The following CCDC83 variants were observed in gnomAD, a reference collection of about 807,000 sequenced individuals.
The protein encoded by CCDC83 is coiled-coil domain-containing protein 83.
Under a neutral mutation model 50.1 loss-of-function variants are expected in CCDC83, and 54 were observed. That is an observed-to-expected ratio of 1.08 (90% confidence interval 0.87 to 1.35). The LOEUF (loss-of-function observed/expected upper bound fraction) is 1.35, where lower values mean the gene tolerates loss of function less well. CCDC83 is among the 40% of genes most tolerant of loss of function. CCDC83 has a pLI of 0.00. For synonymous variants in CCDC83, 161 were observed against 153.3 expected (o/e 1.05, Z -0.37); for missense variants, 518 against 473.9 (o/e 1.09, Z -0.86).
intron 7 of CCDC83, among the ~76,000 whole-genome samples, chr11:85,905,550 C>T (rs2093421522): frequency 6.6e-6 from 1 of 150,760 alleles, no homozygotes; most frequent in African/African-American, 2.4e-5. Flanking sequence ...GTGGAGGTTG[C>T]AGTGAGCAGA....
At chr11:85,879,045 A>G (rs189178244) in intron 3 of CCDC83, among the ~76,000 whole-genome samples, 3 of 152,214 alleles carry the variant, frequency 2.0e-5, no homozygotes, top group Admixed American at 6.5e-5. Context: ...TTTCTTGGAT[A>G]TGTTATTTGC....
intron 3 of CCDC83, among the ~76,000 whole-genome samples, chr11:85,874,545 C>G (rs546976585): frequency 1.2e-4 from 18 of 152,362 alleles, no homozygotes; most frequent in African/African-American, 4.3e-4. Context: ...CAGATTCTAA[C>G]TACAACTCTG....
chr11:85,895,259 A>G, intron 5 of CCDC83, 34 bp from the exon 6 acceptor site: 1 of 839,716 alleles, frequency 1.2e-6, no homozygotes, highest in Non-Finnish European at 1.7e-6. Flanking sequence ...AAGGCTTTTA[A>G]TTTTCTTTTT....
At chr11:85,887,039 G>A (rs908986830) in intron 5 of CCDC83, among the ~76,000 whole-genome samples, 3 of 152,176 alleles carry the variant, frequency 2.0e-5, no homozygotes, top group African/African-American at 7.2e-5. Context: ...TTCACCTGGG[G>A]CAAGCTAAGT....
intron 10 of CCDC83, among the ~76,000 whole-genome samples, chr11:85,917,753 T>C (rs889903180): frequency 4.6e-5 from 7 of 152,194 alleles, no homozygotes; most frequent in African/African-American, 1.4e-4. Context: ...CAAGCGATGA[T>C]TTAAAGACTA....
At chr11:85,890,971 A>G (rs2093348144) in intron 5 of CCDC83, among the ~76,000 whole-genome samples, 1 of 151,962 alleles carries the variant, frequency 6.6e-6, no homozygotes, top group African/African-American at 2.4e-5. Flanking sequence ...AAGTTGCTTG[A>G]CTCCCCAAGA....
chr11:85,864,973 G>A, intron 1 of CCDC83, 123 bp from the exon 2 acceptor site: 1 of 611,768 alleles, frequency 1.6e-6, no homozygotes, highest in South Asian at 2.0e-5. Context: ...TTAGATCTGG[G>A]GACATGGAAG....
In CCDC83 at chr11:85,911,292, C is replaced by G. The variant is rs1316120258; in HGVS notation, c.684C>G (p.His228Gln). The G allele has an allele frequency of 1.2e-5, 20 of 1,607,274 alleles. No homozygotes were observed. Among genetic ancestry groups the G allele is most frequent in the African/African-American group, 4.0e-5 (3 of 74,516 alleles). Residue 228 changes from histidine (H) to glutamine (Q), a missense_variant, in exon 8 of 11, where the codon CAC becomes CAG. His to Gln is a conservative substitution (Grantham distance 24). Coordinates refer to ENST00000342404, the MANE Select transcript of CCDC83 (RefSeq NM_001286159.2). ...NDWLKKEVAI[H>Q]RKEVEELKNA... ...TCTTCTGAGAACAGGTTGCAATTCA[C>G]AGGAAGGAAGTTGAAGAATTAAAAA... is the stretch of plus-strand genomic sequence containing the variant.
At chr11:85,895,146 C>A (rs1297384813) in intron 5 of CCDC83, 147 bp from the exon 6 acceptor site, 1 of 285,376 alleles carries the variant, frequency 3.5e-6, no homozygotes, top group East Asian at 4.2e-5. Context: ...AGAATGCTAC[C>A]CGAACAGATA....
chr11:85,882,741 T>C, intron 4 of CCDC83, 66 bp downstream of exon 4: 1 of 1,410,268 alleles, frequency 7.1e-7, no homozygotes, highest in Non-Finnish European at 9.9e-7. Flanking sequence ...ATATTAATGC[T>C]TTATTCTTCC....
intron 2 of CCDC83, among the ~76,000 whole-genome samples, chr11:85,872,245 G>A (rs957478046): frequency 2.0e-5 from 3 of 152,158 alleles, no homozygotes; most frequent in African/African-American, 7.2e-5. Context: ...AGCACTTTGA[G>A]AGCCCGAAGC....
At chr11:85,883,564 G>T (rs565236852) in intron 4 of CCDC83, among the ~76,000 whole-genome samples, 1 of 152,126 alleles carries the variant, frequency 6.6e-6, no homozygotes, top group South Asian at 2.1e-4. Context: ...GGTACTGAGG[G>T]TAAATCATGC....
At chr11:85,859,340 C>A (rs903559960) in intron 1 of CCDC83, among the ~76,000 whole-genome samples, 1 of 151,892 alleles carries the variant, frequency 6.6e-6, no homozygotes, top group Non-Finnish European at 1.5e-5. Context: ...CATATGGAAC[C>A]AAAACAGAGC....
chr11:85,861,974 C>T (rs903552318), intron 1 of CCDC83, among the ~76,000 whole-genome samples: 30 of 133,602 alleles, frequency 2.2e-4, no homozygotes, highest in Non-Finnish European at 3.7e-4. Flanking sequence ...TTAGCTTGGG[C>T]GACGGAGCCA....
chr11:85,862,509 G>A lies in CCDC83; in HGVS notation c.-28-2587G>A, dbSNP rs534733676. Reference sequence around the variant, plus strand: ...TGCTTCTGTCTTCCTATCTGTCTGAGAAGGGTCTTGCCTCATCTATACTTT... The same window carrying A: ...TGCTTCTGTCTTCCTATCTGTCTGAAAAGGGTCTTGCCTCATCTATACTTT... On this transcript the variant is annotated intron_variant, in intron 1 of 10. Coordinates refer to ENST00000342404, the MANE Select transcript of CCDC83 (RefSeq NM_001286159.2). 1.6e-4 allele frequency among the ~76,000 whole-genome samples: 24 copies of A among 152,304 alleles called. No individual in the cohort carries two copies. In the South Asian group the frequency reaches 4.6e-3, roughly 29 times the overall value.
intron 2 of CCDC83, among the ~76,000 whole-genome samples, chr11:85,870,787 A>G (rs999445620): frequency 2.6e-5 from 4 of 152,212 alleles, no homozygotes; most frequent in Non-Finnish European, 4.4e-5. Context: ...TGTAAACAAT[A>G]TGTTTCAATA....
At chr11:85,885,864 A>G (rs2093324355) in intron 4 of CCDC83, among the ~76,000 whole-genome samples, 1 of 152,242 alleles carries the variant, frequency 6.6e-6, no homozygotes. Context: ...CATATTATAC[A>G]TATTATATGA....
At chr11:85,903,511 C>T (rs960354701) in intron 7 of CCDC83, among the ~76,000 whole-genome samples, 3 of 151,838 alleles carry the variant, frequency 2.0e-5, no homozygotes, top group African/African-American at 7.3e-5. Flanking sequence ...TCATGTTGAC[C>T]AGGCTGGTCT....
chr11:85,919,275 A>C (rs1201187435), intron 10 of CCDC83, 74 bp from the exon 11 acceptor site: 5 of 1,390,058 alleles, frequency 3.6e-6, no homozygotes, highest in Non-Finnish European at 4.9e-6. Flanking sequence ...ACTGTAATAA[A>C]GAAAGCCTAA....
Sources: gnomAD v4.1 joint callset for allele counts (sites outside exome capture counted in the v4.1 genomes callset) on GRCh38, gnomAD v4.1.1 for gene constraint, MANE v1.5 for transcripts, NCBI Gene and HGNC (gene_info 2026-07-23, HGNC 2026-07-21) for gene names.